The following RAB9B variants were observed in gnomAD, a reference collection of about 807,000 sequenced individuals.
RAB9B encodes ras-related protein Rab-9B.
In RAB9B, 1 loss-of-function variant was observed where a neutral mutation model predicts 8.9. The observed-to-expected ratio is 0.11, with a 90% CI of 0.04 to 0.53. The LOEUF is 0.53. Ranked by LOEUF, RAB9B falls within the 20% of genes least tolerant of loss-of-function variation. RAB9B has a pLI of 0.93. For missense variants in RAB9B, 82 were observed against 152.9 expected (o/e 0.54, Z 2.45); for synonymous variants, 63 against 57.0 (o/e 1.10, Z -0.47).
downstream of RAB9B, among the ~76,000 whole-genome samples, chrX:103,821,115 C>T (rs2074658581): frequency 2.8e-5 from 3 of 108,885 alleles, no homozygotes; most frequent in African/African-American, 1.0e-4. Flanking sequence ...TGCAGTGAGC[C>T]AAGATCAGGC....
chrX:103,776,765 G>A, the RAB9B span: 1 of 299,659 alleles, frequency 3.3e-6, no homozygotes, highest in Non-Finnish European at 5.5e-6. Flanking sequence ...GGGAAAAGGG[G>A]AGGAGAAGGG....
chrX:103,795,524 A>G, the RAB9B span, among the ~76,000 whole-genome samples: 3 of 111,845 alleles, frequency 2.7e-5, no homozygotes, highest in South Asian at 1.1e-3. Context: ...CTGAAAGTGT[A>G]TAGATGGTTT....
At chrX:103,813,745 CAAAA>C in the RAB9B span, among the ~76,000 whole-genome samples, 3 of 8,542 alleles carry the variant, frequency 3.5e-4, no homozygotes, top group African/African-American at 1.4e-3. Context: ...AAATGGAAAG[CAAAA>C]AAAAAAAAAA....
At chrX:103,827,810 G>A (rs1315755353) in intron 1 of RAB9B, among the ~76,000 whole-genome samples, 1 of 110,807 alleles carries the variant, frequency 9.0e-6, no homozygotes, top group East Asian at 2.8e-4. Flanking sequence ...GGGACTACGG[G>A]CATGCACCAC....
the RAB9B span, chrX:103,788,729 C>T: frequency 7.1e-6 from 3 of 424,777 alleles, no homozygotes; most frequent in African/African-American, 7.4e-5. Flanking sequence ...TCCTTTCCAA[C>T]CCTTCCCCTC....
At chrX:103,827,828 G>A (rs2074689311) in intron 1 of RAB9B, among the ~76,000 whole-genome samples, 1 of 110,127 alleles carries the variant, frequency 9.1e-6, no homozygotes, top group Admixed American at 9.7e-5. Context: ...CACCATGCCC[G>A]GCTAAGTTTT....
the RAB9B span, chrX:103,789,502 C>A: frequency 3.0e-6 from 2 of 660,249 alleles, no homozygotes; most frequent in Non-Finnish European, 5.1e-6. Flanking sequence ...CCTTGAAATG[C>A]TGGAGGGAAG....
At chrX:103,818,850 C>G (rs2074649414), downstream of RAB9B, among the ~76,000 whole-genome samples, 1 of 111,218 alleles carries the variant, frequency 9.0e-6, no homozygotes, top group Non-Finnish European at 1.9e-5. Context: ...TTTTCTATTT[C>G]TTTCATTACT....
chrX:103,781,232 G>C, the RAB9B span: 2 of 305,142 alleles, frequency 6.6e-6, no homozygotes, highest in East Asian at 2.0e-4. Flanking sequence ...GAGGGAGGGA[G>C]GGTTGGGAGC....
the RAB9B span, among the ~76,000 whole-genome samples, chrX:103,802,288 TAGAG>T: frequency 1.1e-5 from 1 of 94,615 alleles, no homozygotes; most frequent in African/African-American, 3.9e-5. Flanking sequence ...GGGGTGAAGA[TAGAG>T]AGAGAGGGAC....
chrX:103,788,138 C>T, the RAB9B span, among the ~76,000 whole-genome samples: 42 of 111,923 alleles, frequency 3.8e-4, no homozygotes, highest in African/African-American at 1.2e-3. Context: ...GTTTCTTCCC[C>T]GGGAAGGGAA....
At chrX:103,806,898 A>G in the RAB9B span, among the ~76,000 whole-genome samples, 2 of 111,848 alleles carry the variant, frequency 1.8e-5, no homozygotes, top group African/African-American at 6.5e-5. Flanking sequence ...GTTAGTCTCA[A>G]GGCTAAGATG....
chrX:103,786,581 A>G, the RAB9B span: 3 of 1,209,754 alleles, frequency 2.5e-6, no homozygotes, highest in African/African-American at 5.3e-5. Context: ...ATCTTTGGCG[A>G]CTACAAGACC....
At chrX:103,821,177 AT>A (rs2074659027), downstream of RAB9B, among the ~76,000 whole-genome samples, 1 of 110,836 alleles carries the variant, frequency 9.0e-6, no homozygotes, top group Non-Finnish European at 1.9e-5. Flanking sequence ...AAAAAAAAAA[AT>A]AATCAGTTAC....
At chrX:103,796,221 T>C in the RAB9B span, among the ~76,000 whole-genome samples, 1 of 112,491 alleles carries the variant, frequency 8.9e-6, no homozygotes, top group African/African-American at 3.2e-5. Context: ...ATGCCTGTAA[T>C]CCCAGCACTT....
At chrX:103,802,188 AAG>A in the RAB9B span, among the ~76,000 whole-genome samples, 10 of 102,576 alleles carry the variant, frequency 9.7e-5, no homozygotes, top group South Asian at 4.8e-4. Flanking sequence ...TAGAAGAAGA[AAG>A]AGAGAGAGAG....
chrX:103,825,365 G>C lies in RAB9B; in HGVS notation c.420C>G (p.Thr140=), dbSNP rs1298746357. Residue 140 remains threonine, a synonymous_variant, in exon 3 of 3, where the codon ACC becomes ACG. Transcript: ENST00000243298. The part of the protein sequence containing the change: ...DRQVTTEEAQ[T]WCMENGDYPY... ...GGTAATCCCCATTCTCCATGCACCAGGTTTGTGCCTCCTCAGTAGTCACTT... is the reference window on the plus strand; with the variant it reads ...GGTAATCCCCATTCTCCATGCACCACGTTTGTGCCTCCTCAGTAGTCACTT... 8.3e-7 allele frequency: 1 copy of C among 1,209,507 alleles called. No individual in the cohort carries two copies. Among genetic ancestry groups the C allele is most frequent in the African/African-American group, 1.8e-5 (1 of 57,009 alleles).
At chrX:103,780,023 C>T in the RAB9B span, 1 of 112,823 alleles carries the variant, frequency 8.9e-6, no homozygotes, top group Non-Finnish European at 1.9e-5. Context: ...CCTTCCTTTC[C>T]TGCTTTCAGA....
chrX:103,830,479 C>T (rs372808285), intron 1 of RAB9B, among the ~76,000 whole-genome samples: 7 of 111,940 alleles, frequency 6.3e-5, no homozygotes, highest in African/African-American at 2.3e-4. Context: ...GACCAAAACG[C>T]TTATTCTGAT....
Sources: gnomAD v4.1 joint callset for allele counts (sites outside exome capture counted in the v4.1 genomes callset) on GRCh38, gnomAD v4.1.1 for gene constraint, MANE v1.5 for transcripts, NCBI Gene and HGNC (gene_info 2026-07-23, HGNC 2026-07-21) for gene names.